RSBN1L: variants seen among roughly 807,000 people sequenced by gnomAD.
RSBN1L encodes lysine-specific demethylase RSBN1L.
In RSBN1L, 30 loss-of-function variants were observed where a neutral mutation model predicts 67.7. The observed-to-expected ratio is 0.44, with a 90% CI of 0.33 to 0.60. RSBN1L has a LOEUF of 0.60. Ranked by LOEUF, RSBN1L falls within the 20% of genes least tolerant of loss-of-function variation. RSBN1L has a pLI of 0.02. For missense variants in RSBN1L, 992 were observed against 1,031.7 expected (o/e 0.96, Z 0.53); for synonymous variants, 433 against 387.0 (o/e 1.12, Z -1.39).
chr7:77,742,810 C>T (rs1032181837), intron 2 of RSBN1L, among the ~76,000 whole-genome samples: 1 of 152,110 alleles, frequency 6.6e-6, no homozygotes. Context: ...TGCACTGCAC[C>T]CTGGGCGACA....
intron 2 of RSBN1L, among the ~76,000 whole-genome samples, chr7:77,736,859 CA>C (rs1213521601): frequency 2.6e-5 from 4 of 152,008 alleles, no homozygotes; most frequent in African/African-American, 9.7e-5. Context: ...GAAAAATTGC[CA>C]AAGCAAGTTT....
chr7:77,747,606 G>A (rs1791501699), intron 2 of RSBN1L, among the ~76,000 whole-genome samples: 2 of 152,208 alleles, frequency 1.3e-5, no homozygotes, highest in Admixed American at 1.3e-4. Flanking sequence ...TGCAAGATTC[G>A]AGGCTTGGGA....
intron 3 of RSBN1L, among the ~76,000 whole-genome samples, chr7:77,760,825 G>A (rs1231172739): frequency 1.3e-5 from 2 of 152,104 alleles, no homozygotes; most frequent in Admixed American, 1.3e-4. Context: ...TAGTAGAGAC[G>A]GGGTTTTGTC....
intron 5 of RSBN1L, among the ~76,000 whole-genome samples, chr7:77,769,267 A>T (rs1232328497): frequency 6.6e-6 from 1 of 152,236 alleles, no homozygotes; most frequent in African/African-American, 2.4e-5. Context: ...CTTTTCAGTG[A>T]AAGAGAAGAT....
At chr7:77,708,653 A>T (rs1790927363) in intron 1 of RSBN1L, among the ~76,000 whole-genome samples, 1 of 151,914 alleles carries the variant, frequency 6.6e-6, no homozygotes, top group Non-Finnish European at 1.5e-5. Flanking sequence ...AAGTGCTGGG[A>T]TTACAGGCGT....
intron 1 of RSBN1L, among the ~76,000 whole-genome samples, chr7:77,716,307 T>TG (rs1554337590): frequency 6.6e-6 from 1 of 152,060 alleles, no homozygotes; most frequent in African/African-American, 2.4e-5. Context: ...TTCTTTGTTT[T>TG]TTTTGTTTTG....
chr7:77,719,428 T>C (rs1334935131), intron 1 of RSBN1L, among the ~76,000 whole-genome samples: 2 of 152,192 alleles, frequency 1.3e-5, no homozygotes, highest in Non-Finnish European at 2.9e-5. Flanking sequence ...CAGAGTATAA[T>C]TTAAATTGTA....
intron 5 of RSBN1L, among the ~76,000 whole-genome samples, chr7:77,769,737 G>T (rs1028085227): frequency 7.9e-5 from 12 of 152,084 alleles, no homozygotes; most frequent in Non-Finnish European, 1.8e-4. Flanking sequence ...ATAACCTCAG[G>T]TAGTTAAGTT....
At chr7:77,774,801 G>A (rs1791890991) in intron 6 of RSBN1L, among the ~76,000 whole-genome samples, 1 of 152,138 alleles carries the variant, frequency 6.6e-6, no homozygotes, top group Non-Finnish European at 1.5e-5. Context: ...CCAAAATTGA[G>A]TATTGTTTGG....
At position 77,749,632 on chromosome 7, in the gene RSBN1L, T is replaced by C. The variant is rs760110987; in HGVS notation, c.912T>C (p.Val304=). The C allele has an allele frequency of 6.2e-7, 1 of 1,613,954 alleles. No homozygotes were observed. Among genetic ancestry groups the C allele is most frequent in the Non-Finnish European group, 8.5e-7 (1 of 1,180,022 alleles). ...GILNDNIKDY[V]GKNLDTKNYD... ...TAAATGATAACATAAAAGATTACGT[T>C]GGGAAGAATTTGGATACCAAGAACT... is the stretch of plus-strand genomic sequence containing the variant. The change falls in exon 3 of 8, where the codon GTT becomes GTC. Residue 304 remains valine (V), a synonymous_variant. Coordinates refer to ENST00000334955, the MANE Select transcript of RSBN1L (RefSeq NM_198467.3).
chr7:77,724,457 A>T (rs1235501071), intron 1 of RSBN1L, among the ~76,000 whole-genome samples: 8 of 139,512 alleles, frequency 5.7e-5, no homozygotes, highest in Non-Finnish European at 1.1e-4. Flanking sequence ...TGAGAGTCTC[A>T]CTCTGTTGTC....
chr7:77,770,362 G>A (rs1295561043), intron 5 of RSBN1L, among the ~76,000 whole-genome samples: 2 of 149,964 alleles, frequency 1.3e-5, no homozygotes, highest in African/African-American at 4.9e-5. Flanking sequence ...CCGATAGAGC[G>A]AGACTCTGTT....
chr7:77,725,264 T>TTTTG (rs1479526886), intron 1 of RSBN1L, among the ~76,000 whole-genome samples: 1 of 143,134 alleles, frequency 7.0e-6, no homozygotes, highest in Non-Finnish European at 1.5e-5. Flanking sequence ...TTTTTTTTTT[T>TTTTG]TGAGATGGAA....
chr7:77,780,611 A>G lies in RSBN1L; in HGVS notation c.*1443A>G, dbSNP rs929252891. The G allele has an allele frequency of 7.2e-5, 11 of 152,294 alleles. No homozygotes were observed. Among genetic ancestry groups the G allele is most frequent in the African/African-American group, 2.4e-4 (10 of 41,560 alleles). The allele number at this position is 152,294 out of a possible 1,614,324, so 9.4% of individuals were successfully genotyped here. A position where few individuals can be genotyped will look rare whatever the true frequency, so the allele number is the denominator to read the frequency against. On this transcript the variant is annotated 3_prime_UTR_variant, in exon 8 of 8. Transcript: ENST00000334955. ...GGGAGAAAAATATGGCAAATACAAA[A>G]CTGTAAAATAAGGGCAATGACAATG...
At chr7:77,746,802 A>G (rs2150424772) in intron 2 of RSBN1L, among the ~76,000 whole-genome samples, 1 of 152,338 alleles carries the variant, frequency 6.6e-6, no homozygotes, top group Middle Eastern at 3.4e-3. Context: ...GGCCAAAAAA[A>G]GGAGCTACAG....
chr7:77,720,302 T>C (rs778102892), intron 1 of RSBN1L, among the ~76,000 whole-genome samples: 23 of 152,084 alleles, frequency 1.5e-4, no homozygotes, highest in Non-Finnish European at 2.8e-4. Flanking sequence ...GGCTCGTGCC[T>C]ATAATCTTAG....
intron 2 of RSBN1L, among the ~76,000 whole-genome samples, chr7:77,748,420 C>T (rs185303692): frequency 5.9e-5 from 9 of 152,216 alleles, no homozygotes; most frequent in Non-Finnish European, 1.5e-5. Context: ...AAAACAGAAC[C>T]AGAATTTAAG....
Position 77,697,020 on chromosome 7 carries a change from G to C in RSBN1L, c.551G>C (p.Arg184Pro). The change falls in exon 1 of 8, where the codon CGG becomes CCG. Residue 184 changes from arginine to proline, a missense_variant. By Grantham distance (103) the Arg-to-Pro change is moderately radical (BLOSUM62 -2). Transcript: ENST00000334955. ...GGAREAGGASREENGEVKPLP... is the reference protein window; with the variant it reads ...GGAREAGGASPEENGEVKPLP... The stretch of plus-strand genomic sequence containing the variant: ...GCCCGAGAGGCCGGCGGGGCCTCCC[G>C]GGAGGAGAACGGGGAGGTGAAGCCG... 1 of 1,525,082 alleles carries C rather than the reference G, an allele frequency of 6.6e-7. No individual in the cohort carries two copies. Among genetic ancestry groups the C allele is most frequent in the Non-Finnish European group, 8.8e-7 (1 of 1,141,300 alleles). The allele number at this position is 1,525,082 out of a possible 1,614,324, so 94.5% of individuals were successfully genotyped here.
rs368935170 is a variant in RSBN1L, at chr7:77,706,366, G to A, written c.586+9311G>A. Among the ~76,000 whole-genome samples the A allele has an allele frequency of 2.6e-5, 4 of 151,978 alleles. No homozygotes were observed. The South Asian group carries it at 6.2e-4, about 24-fold the overall frequency. ...TCTGGGATTACAGGCCTGAGCCACC[G>A]CGCCCAGCAACTTTTGTATTTTTAA... is the stretch of plus-strand genomic sequence containing the variant. On this transcript the variant is annotated intron_variant, in intron 1 of 7. Coordinates refer to ENST00000334955, the MANE Select transcript of RSBN1L (RefSeq NM_198467.3).
Sources: allele counts gnomAD v4.1 joint callset (sites outside exome capture counted in the v4.1 genomes callset), GRCh38; gene constraint gnomAD v4.1.1; transcripts MANE v1.5; gene names NCBI Gene and HGNC (gene_info 2026-07-23, HGNC 2026-07-21).